The following FBXW8 variants were observed in gnomAD, a reference collection of about 807,000 sequenced individuals.
FBXW8 encodes the protein F-box and WD repeat domain containing 8.
A neutral mutation model predicts 65.3 loss-of-function variants in FBXW8; 57 were observed. That is an observed-to-expected ratio of 0.87 (90% CI 0.71 to 1.09). The LOEUF (loss-of-function observed/expected upper bound fraction) is 1.09, where lower values mean the gene tolerates loss of function less well. Ranked by LOEUF, FBXW8 falls within the 50% of genes least tolerant of loss-of-function variation. The probability of loss-of-function intolerance (pLI) is 0.00; values close to 1 mark genes in which losing one functional copy is unlikely to be tolerated. For synonymous variants in FBXW8, 308 were observed against 330.2 expected, an observed-to-expected ratio of 0.93 and a Z score of 0.73; for missense variants, 777 against 814.8, an observed-to-expected ratio of 0.95 and a Z score of 0.57.
At chr12:116,944,029 G>A (rs1882772180) in intron 2 of FBXW8, among the ~76,000 whole-genome samples, 2 of 152,146 alleles carry the variant, frequency 1.3e-5, no homozygotes, top group Non-Finnish European at 1.5e-5. Flanking sequence ...AAACTTGTCT[G>A]GCCTCTCTAA....
At chr12:116,930,075 G>A (rs547973745) in intron 2 of FBXW8, among the ~76,000 whole-genome samples, 1 of 151,660 alleles carries the variant, frequency 6.6e-6, no homozygotes, top group Admixed American at 6.6e-5. Context: ...GCCACATTAT[G>A]TATCATTTAT....
chr12:116,974,438 T>C (rs1884804660), intron 5 of FBXW8, among the ~76,000 whole-genome samples: 1 of 152,166 alleles, frequency 6.6e-6, no homozygotes, highest in Non-Finnish European at 1.5e-5. Context: ...GTTTTAGTAA[T>C]GGGGCTAATT....
At chr12:116,927,041 A>G (rs1881381308) in intron 1 of FBXW8, among the ~76,000 whole-genome samples, 2 of 152,198 alleles carry the variant, frequency 1.3e-5, no homozygotes, top group South Asian at 4.1e-4. Context: ...CACTGATGTC[A>G]GCCAAAGCTT....
At chr12:116,929,283 G>A (rs548404052) in intron 2 of FBXW8, among the ~76,000 whole-genome samples, 14 of 152,266 alleles carry the variant, frequency 9.2e-5, no homozygotes, top group African/African-American at 3.4e-4. Flanking sequence ...CACCGAGGCT[G>A]GAGTGCAGTG....
intron 10 of FBXW8, 63 bp downstream of exon 10, chr12:117,027,567 C>G (rs1003670669): frequency 7.9e-7 from 1 of 1,268,456 alleles, no homozygotes; most frequent in Non-Finnish European, 1.1e-6. Flanking sequence ...AGAACCCCAC[C>G]CCCCCCGCCG....
chr12:116,916,553 T>A lies in FBXW8; in HGVS notation c.318+5198T>A, dbSNP rs550750826. 1.8e-3 allele frequency among the ~76,000 whole-genome samples: 279 copies of A among 152,172 alleles called. 2 individuals are homozygous for A. The highest frequency in any genetic ancestry group is 2.5e-3 in the Non-Finnish European group (172 of 68,002). On this transcript the variant is annotated intron_variant, in intron 1 of 10. Coordinates refer to ENST00000652555, the MANE Select transcript of FBXW8 (RefSeq NM_153348.3). The stretch of plus-strand genomic sequence containing the variant: ...TGTAAGGTCTTTAGATTTTTTTTTT[T>A]AATTGGGAATATGTATTTTTATGTG...
chr12:116,940,512 C>A (rs1446945442), intron 2 of FBXW8, among the ~76,000 whole-genome samples: 2 of 143,478 alleles, frequency 1.4e-5, no homozygotes, highest in Non-Finnish European at 1.5e-5. Flanking sequence ...TTTTTCCTTC[C>A]AGTTTGTGTT....
chr12:116,976,328 T>A (rs1884925910), intron 5 of FBXW8, among the ~76,000 whole-genome samples: 1 of 151,984 alleles, frequency 6.6e-6, no homozygotes, highest in Non-Finnish European at 1.5e-5. Flanking sequence ...CATTTCTCTT[T>A]TTTGTATCTT....
intron 7 of FBXW8, 112 bp downstream of exon 7, chr12:116,988,981 A>AT (rs1413552026): frequency 2.5e-5 from 24 of 966,158 alleles, no homozygotes; most frequent in Non-Finnish European, 3.7e-5. Flanking sequence ...TCAGGCCAGT[A>AT]TATAAGCATG....
intron 6 of FBXW8, chr12:116,986,648 A>C (rs1374361250): frequency 6.6e-6 from 1 of 151,640 alleles, no homozygotes; most frequent in Non-Finnish European, 1.5e-5. Flanking sequence ...AGACAAAAAA[A>C]CAACAAAAAA....
intron 2 of FBXW8, among the ~76,000 whole-genome samples, chr12:116,943,588 C>T (rs897804676): frequency 1.3e-5 from 2 of 152,212 alleles, no homozygotes; most frequent in Admixed American, 6.5e-5. Flanking sequence ...ACCATTCTAG[C>T]AGCTTACAGC....
chr12:116,998,192 T>C (rs1214679271), intron 7 of FBXW8, among the ~76,000 whole-genome samples: 1 of 152,230 alleles, frequency 6.6e-6, no homozygotes, highest in Non-Finnish European at 1.5e-5. Flanking sequence ...GCAGAACTAA[T>C]GGAATAAGCT....
intron 7 of FBXW8, among the ~76,000 whole-genome samples, chr12:116,994,739 T>C (rs1953336542): frequency 6.6e-6 from 1 of 152,266 alleles, no homozygotes; most frequent in Non-Finnish European, 1.5e-5. Context: ...TGCAACTTTA[T>C]AATATTACAC....
intron 4 of FBXW8, among the ~76,000 whole-genome samples, chr12:116,958,815 G>A (rs1197239478): frequency 6.6e-6 from 1 of 152,234 alleles, no homozygotes; most frequent in African/African-American, 2.4e-5. Context: ...TCCCCAACCA[G>A]TAGTGATCAT....
intron 1 of FBXW8, among the ~76,000 whole-genome samples, chr12:116,916,980 C>T (rs12821492): frequency 0.71 from 107,639 of 151,804 alleles, 41,472 homozygotes; most frequent in Non-Finnish European, 0.85. Context: ...AGCTTAGCCC[C>T]AAGTGGGCAT....
At chr12:117,024,401 T>G in intron 9 of FBXW8, 81 bp downstream of exon 9, 176 of 1,527,258 alleles carry the variant, frequency 1.2e-4, no homozygotes, top group Middle Eastern at 1.8e-4. Flanking sequence ...CCAGGCACGG[T>G]GCTAAATGCC....
chr12:117,017,643 T>TA (rs1226574058), intron 8 of FBXW8, among the ~76,000 whole-genome samples: 3 of 152,312 alleles, frequency 2.0e-5, no homozygotes, highest in Non-Finnish European at 4.4e-5. Context: ...TTGATTTCTT[T>TA]AAAAAAATAC....
chr12:116,962,439 C>T (rs1300433226), intron 4 of FBXW8, among the ~76,000 whole-genome samples: 1 of 152,188 alleles, frequency 6.6e-6, no homozygotes, highest in East Asian at 1.9e-4. Context: ...GCTGAGGCCA[C>T]CTAAACCGTC....
At chr12:116,923,160 C>T (rs1361135807) in intron 1 of FBXW8, among the ~76,000 whole-genome samples, 2 of 152,130 alleles carry the variant, frequency 1.3e-5, no homozygotes, top group Non-Finnish European at 2.9e-5. Flanking sequence ...GAGCCAGGAT[C>T]GTGCCACTGC....
Sources: gnomAD v4.1 joint callset for allele counts (sites outside exome capture counted in the v4.1 genomes callset) on GRCh38, gnomAD v4.1.1 for gene constraint, MANE v1.5 for transcripts, NCBI Gene and HGNC (gene_info 2026-07-23, HGNC 2026-07-21) for gene names.